Variants in MON2 observed in about 807,000 individuals in gnomAD.
MON2 encodes the protein protein MON2 homolog.
Under a neutral mutation model 208.6 loss-of-function variants are expected in MON2, and 84 were observed. The ratio of observed to expected loss-of-function variants is 0.40; its 90% CI spans 0.34 to 0.48. MON2 has a LOEUF of 0.48. Ranked by LOEUF, MON2 falls within the 20% of genes least tolerant of loss-of-function variation. The pLI is 0.59. For missense variants in MON2, 1,611 were observed against 2,015.4 expected, an observed-to-expected ratio of 0.80 and a Z score of 3.84; for synonymous variants, 660 against 694.0, an observed-to-expected ratio of 0.95 and a Z score of 0.77.
intron 7 of MON2, among the ~76,000 whole-genome samples, 171 bp downstream of exon 7, chr12:62,501,869 T>C (rs2070850863): frequency 6.6e-6 from 1 of 152,098 alleles, no homozygotes; most frequent in African/African-American, 2.4e-5. Flanking sequence ...GAGGATTGCT[T>C]GAGCCCAGGA....
chr12:62,483,896 T>A (rs527270350), intron 1 of MON2, among the ~76,000 whole-genome samples: 1 of 152,328 alleles, frequency 6.6e-6, no homozygotes, highest in East Asian at 1.9e-4. Context: ...TTGCAGGGGA[T>A]TGAGGTATTC....
chr12:62,479,517 G>A (rs2069283635), intron 1 of MON2, among the ~76,000 whole-genome samples: 1 of 149,606 alleles, frequency 6.7e-6, no homozygotes, highest in Admixed American at 6.8e-5. Flanking sequence ...TGGCTGTATG[G>A]TATTACACAG....
chr12:62,539,497 G>A (rs1231125052), intron 19 of MON2, among the ~76,000 whole-genome samples: 1 of 151,384 alleles, frequency 6.6e-6, no homozygotes, highest in African/African-American at 2.4e-5. Flanking sequence ...TCGATCTCCT[G>A]ACCTTGTGAT....
In MON2 at chr12:62,501,618, G is replaced by A; in HGVS notation, c.709G>A (p.Gly237Ser). ...TGCTGATGCTCCTTATTGGCTAGTG[G>A]GCATGACAGAAATGACTCGGACGTT... Reference protein sequence around the residue: ...VNADAPYWLVGMTEMTRTFGL... With the variant: ...VNADAPYWLVSMTEMTRTFGL... The change falls in exon 7 of 35, where the codon GGC (glycine) becomes AGC (serine). Residue 237 changes from glycine to serine, a missense_variant. Physicochemically the swap from Gly to Ser is moderately conservative, Grantham distance 56 (BLOSUM62 0). Coordinates refer to ENST00000393630, the MANE Select transcript of MON2 (RefSeq NM_015026.3). 1 of 1,614,004 alleles carries A rather than the reference G, an allele frequency of 6.2e-7. No individual in the cohort carries two copies. Among genetic ancestry groups the A allele is most frequent in the Non-Finnish European group, 8.5e-7 (1 of 1,179,938 alleles).
chr12:62,495,575 G>A (rs956361185), intron 4 of MON2, among the ~76,000 whole-genome samples: 1 of 150,550 alleles, frequency 6.6e-6, no homozygotes, highest in Non-Finnish European at 1.5e-5. Flanking sequence ...CTGTAGTCCC[G>A]GCTACTCGGG....
chr12:62,539,114 TAAAC>T (rs1484678542), intron 19 of MON2, among the ~76,000 whole-genome samples: 4 of 152,168 alleles, frequency 2.6e-5, no homozygotes, highest in South Asian at 2.1e-4. Context: ...TAGAAATAAT[TAAAC>T]AAAATACTTT....
At chr12:62,486,339 T>C (rs940350796) in intron 2 of MON2, among the ~76,000 whole-genome samples, 1 of 150,908 alleles carries the variant, frequency 6.6e-6, no homozygotes, top group East Asian at 1.9e-4. Flanking sequence ...ACTCTTAAGA[T>C]GAGTAAGAAA....
Position 62,467,168 on chromosome 12 carries a change from G to A in MON2, c.-40G>A. The A allele has an allele frequency of 6.3e-6, 10 of 1,575,660 alleles. No homozygotes were observed. The highest frequency in any genetic ancestry group is 8.7e-6 in the Non-Finnish European group (10 of 1,153,342). ...TAAGGAGCTGACCGTGCCAGAGCTT[G>A]TTTGTACCTCTCGGAAATTGGCTGG... On this transcript the variant is annotated 5_prime_UTR_variant, in exon 1 of 35. Transcript: ENST00000393630.
intron 11 of MON2, among the ~76,000 whole-genome samples, chr12:62,527,330 T>C (rs1335743151): frequency 1.3e-5 from 2 of 152,174 alleles, no homozygotes; most frequent in East Asian, 1.9e-4. Flanking sequence ...TCAGTCTGCA[T>C]TGTATCATCC....
chr12:62,500,923 T>G, intron 6 of MON2, 43 bp downstream of exon 6: 1 of 1,240,664 alleles, frequency 8.1e-7, no homozygotes, highest in Non-Finnish European at 1.1e-6. Context: ...AAAATATAGT[T>G]TTGTGTGAAT....
intron 19 of MON2, among the ~76,000 whole-genome samples, chr12:62,539,750 C>G (rs2073151324): frequency 6.6e-6 from 1 of 151,982 alleles, no homozygotes; most frequent in Non-Finnish European, 1.5e-5. Context: ...GGCATGGTGG[C>G]TTACGCCTGT....
chr12:62,478,567 G>T (rs1027535193), intron 1 of MON2, among the ~76,000 whole-genome samples: 9 of 152,156 alleles, frequency 5.9e-5, no homozygotes, highest in African/African-American at 2.2e-4. Context: ...TACAATTTGG[G>T]TTTGTATTTC....
rs869145698 is a variant in MON2, at chr12:62,534,518, CAAAAAA to C, written c.1634-307_1634-302del. On this transcript the variant is annotated intron_variant, in intron 12 of 34. Coordinates refer to ENST00000393630, the MANE Select transcript of MON2 (RefSeq NM_015026.3). ...TGGGCAACAGAGCAAGACTCCATCGCAAAAAAAAAAAAAAAAAAAAAAAAATATATA... is the reference window on the plus strand; with the variant it reads ...TGGGCAACAGAGCAAGACTCCATCGCAAAAAAAAAAAAAAAAAAATATATA... Among the ~76,000 whole-genome samples, 49 of 67,392 alleles carry C rather than the reference CAAAAAA, an allele frequency of 7.3e-4. 4 individuals carry two copies. The highest frequency in any genetic ancestry group is 2.2e-3 in the East Asian group (4 of 1,780). 44.2% of individuals were successfully genotyped at this position (67,392 alleles called of 152,430 possible).
chr12:62,551,382 ACAAC>A (rs1210480718), intron 23 of MON2, among the ~76,000 whole-genome samples: 1 of 59,042 alleles, frequency 1.7e-5, no homozygotes, highest in Non-Finnish European at 3.4e-5. Flanking sequence ...AGATGAGGAA[ACAAC>A]CTGACGATGA....
rs538783908 is a variant in MON2 at position 62,597,606 on chromosome 12, T to G, written c.*4857T>G. 2.9e-4 allele frequency: 44 copies of G among 152,316 alleles called. No homozygotes were observed. The highest frequency in any genetic ancestry group is 1.0e-3 in the African/African-American group (42 of 41,572). The allele number at this position is 152,316 out of a possible 1,614,324, so 9.4% of individuals were successfully genotyped here. A position where few individuals can be genotyped will look rare whatever the true frequency, so the allele number is the denominator to read the frequency against. ...CTATAACTCCTACTGTCTTTATGAA[T>G]ACACGGGATTCAGCAGCCAAGATGC... On this transcript the variant is annotated 3_prime_UTR_variant, in exon 35 of 35. Coordinates refer to ENST00000393630, the MANE Select transcript of MON2 (RefSeq NM_015026.3).
chr12:62,471,288 T>G (rs1304008354), intron 1 of MON2, among the ~76,000 whole-genome samples: 4 of 152,174 alleles, frequency 2.6e-5, no homozygotes, highest in African/African-American at 7.2e-5. Flanking sequence ...GTTCAAGTGA[T>G]TTTCCCGCCT....
At chr12:62,549,107 TG>T (rs1229901920) in intron 22 of MON2, among the ~76,000 whole-genome samples, 3 of 152,160 alleles carry the variant, frequency 2.0e-5, no homozygotes, top group Non-Finnish European at 4.4e-5. Flanking sequence ...AGAAGTAATA[TG>T]ATGTTAATAC....
chr12:62,529,294 A>G (rs1371249700), intron 11 of MON2, among the ~76,000 whole-genome samples: 1 of 152,148 alleles, frequency 6.6e-6, no homozygotes, highest in Non-Finnish European at 1.5e-5. Flanking sequence ...AATAACTGTA[A>G]TATTAGTCCT....
Position 62,593,925 on chromosome 12 carries a change from AC to A in MON2, c.*1177del, listed in dbSNP as rs1167322989. The A allele has an allele frequency of 6.6e-6, 1 of 152,206 alleles. No individual in the cohort carries two copies. Among genetic ancestry groups the A allele is most frequent in the African/African-American group, 2.4e-5 (1 of 41,462 alleles). The allele number at this position is 152,206 out of a possible 1,614,324, so 9.4% of individuals were successfully genotyped here. On this transcript the variant is annotated 3_prime_UTR_variant, in exon 35 of 35. Transcript: ENST00000393630. ...AGTCAAGCATTTAGAAGTGCAGTGA[AC>A]TTGCTGTCACGGAGTAAAATGCTAA...
Sources: gnomAD v4.1 joint callset for allele counts (sites outside exome capture counted in the v4.1 genomes callset) on GRCh38, gnomAD v4.1.1 for gene constraint, MANE v1.5 for transcripts, NCBI Gene and HGNC (gene_info 2026-07-23, HGNC 2026-07-21) for gene names.